ME3: variants seen among roughly 807,000 people sequenced by gnomAD.
The protein encoded by ME3 is NADP-dependent malic enzyme, mitochondrial.
ME3 carries 48 observed loss-of-function variants against 68.9 expected under a neutral mutation model. The observed-to-expected ratio is 0.70, with a 90% CI of 0.55 to 0.89. The LOEUF (loss-of-function observed/expected upper bound fraction) is 0.89, where lower values mean the gene tolerates loss of function less well. Among genes scored for constraint, ME3 ranks in the 40% least tolerant of loss-of-function variants. The pLI, the probability that ME3 is intolerant of heterozygous loss-of-function variation, is 0.00. For synonymous variants in ME3, 320 were observed against 318.8 expected (o/e 1.00, Z -0.04); for missense variants, 675 against 797.4 (o/e 0.85, Z 1.85).
chr11:86,472,847 C>T (rs1393127729), intron 7 of ME3, among the ~76,000 whole-genome samples: 1 of 152,056 alleles, frequency 6.6e-6, no homozygotes, highest in Admixed American at 6.5e-5. Flanking sequence ...CAGGAAGGGC[C>T]GAGGATGGAG....
At chr11:86,649,425 A>C (rs564233882) in intron 2 of ME3, among the ~76,000 whole-genome samples, 1 of 152,312 alleles carries the variant, frequency 6.6e-6, no homozygotes, top group Admixed American at 6.5e-5. Flanking sequence ...GCCCTCTCTC[A>C]CCACTCCTAT....
intron 5 of ME3, among the ~76,000 whole-genome samples, chr11:86,506,967 A>G (rs151110040): frequency 6.6e-6 from 1 of 152,324 alleles, no homozygotes; most frequent in Admixed American, 6.5e-5. Flanking sequence ...CTGGAGTCTA[A>G]GCAGATAAGC....
exon 2 of ME3, chr11:86,671,882 G>A: frequency 2.0e-6 from 3 of 1,537,606 alleles, no homozygotes; most frequent in Non-Finnish European, 1.7e-6. Context: ...AGCGCGGGAG[G>A]GCGCCGCAGG....
intron 4 of ME3, among the ~76,000 whole-genome samples, chr11:86,540,048 AC>A (rs1302180957): frequency 3.3e-5 from 5 of 152,204 alleles, no homozygotes; most frequent in Non-Finnish European, 5.9e-5. Context: ...TGGCAGATGC[AC>A]CTGAATGTCT....
At chr11:86,571,030 G>T (rs557984372) in intron 2 of ME3, among the ~76,000 whole-genome samples, 5 of 152,286 alleles carry the variant, frequency 3.3e-5, no homozygotes, top group Non-Finnish European at 7.4e-5. Context: ...CAAAGATGAG[G>T]TTTTAAAAAG....
At chr11:86,615,491 C>G (rs986516725) in intron 2 of ME3, among the ~76,000 whole-genome samples, 1 of 152,196 alleles carries the variant, frequency 6.6e-6, no homozygotes, top group African/African-American at 2.4e-5. Flanking sequence ...CTCCACTTAA[C>G]CACATCTTTA....
chr11:86,630,679 C>G (rs937010973), intron 2 of ME3, among the ~76,000 whole-genome samples: 12 of 152,272 alleles, frequency 7.9e-5, no homozygotes, highest in African/African-American at 2.7e-4. Flanking sequence ...AGACAACACA[C>G]TCTTTGGCAT....
rs1944728533 is a variant in ME3, at chr11:86,642,458, T to G, written c.183+29304A>C. Reference sequence around the variant, plus strand: ...CCATCTATTTTGGGAGATAAAATTATAACCAGAGTGTTGCTTTATGAAAAC... The same window carrying G: ...CCATCTATTTTGGGAGATAAAATTAGAACCAGAGTGTTGCTTTATGAAAAC... On this transcript the variant is annotated intron_variant, in intron 2 of 14. Coordinates refer to ENST00000543262, the Ensembl canonical transcript of ME3. Among the ~76,000 whole-genome samples, 3 of 152,238 alleles carry G rather than the reference T, an allele frequency of 2.0e-5. No homozygotes were observed. In the South Asian group the frequency reaches 6.2e-4, roughly 32 times the overall value.
exon 11 of ME3, chr11:86,448,164 G>C: frequency 1.2e-6 from 2 of 1,613,236 alleles, no homozygotes; most frequent in Non-Finnish European, 1.7e-6. Context: ...GATGGCTGTG[G>C]GCTTCACCAG....
intron 9 of ME3, 71 bp downstream of exon 9, chr11:86,450,229 CT>C: frequency 4.1e-6 from 6 of 1,450,450 alleles, no homozygotes; most frequent in Admixed American, 3.4e-5. Flanking sequence ...GAATGCCTCC[CT>C]TTTTTGGTAT....
intron 6 of ME3, among the ~76,000 whole-genome samples, chr11:86,496,219 A>C (rs550829998): frequency 1.3e-5 from 2 of 152,304 alleles, no homozygotes; most frequent in Non-Finnish European, 2.9e-5. Context: ...CAGCCTGACC[A>C]ACATGGTGAA....
At chr11:86,655,751 A>G (rs2135459901) in intron 2 of ME3, among the ~76,000 whole-genome samples, 1 of 151,906 alleles carries the variant, frequency 6.6e-6, no homozygotes, top group Non-Finnish European at 1.5e-5. Context: ...GACAAATGGA[A>G]TCTAATTAAA....
intron 2 of ME3, among the ~76,000 whole-genome samples, chr11:86,621,710 T>A (rs1049087224): frequency 6.6e-6 from 1 of 151,992 alleles, no homozygotes; most frequent in East Asian, 1.9e-4. Flanking sequence ...TCAGCATAAT[T>A]TGATAATAAA....
intron 2 of ME3, among the ~76,000 whole-genome samples, chr11:86,609,963 G>A (rs1284688371): frequency 6.6e-6 from 1 of 152,152 alleles, no homozygotes; most frequent in Non-Finnish European, 1.5e-5. Context: ...CTCTGCATTT[G>A]TTAACCCATT....
rs143401219 is a variant in ME3, at chr11:86,453,279, C to T, written c.920-2881G>A. Among the ~76,000 whole-genome samples the T allele has an allele frequency of 5.5e-3, 840 of 152,288 alleles. 7 individuals are homozygous for T. The highest frequency in any genetic ancestry group is 0.019 in the African/African-American group (803 of 41,566). The stretch of plus-strand genomic sequence containing the variant: ...CCTCCGAAAGTGCTGGGATTACAGG[C>T]GTTAGCCACCACACCTGGCCAGAGT... On this transcript the variant is annotated intron_variant, in intron 8 of 14. Coordinates refer to ENST00000543262, the Ensembl canonical transcript of ME3.
chr11:86,574,392 G>A (rs1219605812), intron 2 of ME3, among the ~76,000 whole-genome samples: 1 of 54,546 alleles, frequency 1.8e-5, no homozygotes, highest in Admixed American at 2.4e-4. Context: ...TGGGGTATTT[G>A]TTGCCGGGGG....
chr11:86,588,110 C>G (rs1017244971), intron 2 of ME3, among the ~76,000 whole-genome samples: 7 of 152,204 alleles, frequency 4.6e-5, no homozygotes, highest in Non-Finnish European at 1.5e-5. Flanking sequence ...AGGCATTGTA[C>G]TAGGAGCTAA....
intron 2 of ME3, among the ~76,000 whole-genome samples, chr11:86,619,182 C>A (rs193238192): frequency 6.6e-6 from 1 of 152,330 alleles, no homozygotes; most frequent in African/African-American, 2.4e-5. Context: ...GCTTACAGAA[C>A]CATGAGCCAA....
intron 4 of ME3, among the ~76,000 whole-genome samples, chr11:86,526,480 C>A (rs1380562840): frequency 6.6e-6 from 1 of 152,218 alleles, no homozygotes; most frequent in Non-Finnish European, 1.5e-5. Flanking sequence ...GAAACCTCTG[C>A]AGACTTAAAT....
Sources: gnomAD v4.1 joint callset for allele counts (sites outside exome capture counted in the v4.1 genomes callset) on GRCh38, gnomAD v4.1.1 for gene constraint, MANE v1.5 for transcripts, NCBI Gene and HGNC (gene_info 2026-07-23, HGNC 2026-07-21) for gene names.